Variants in FBXL20 observed in about 807,000 individuals in gnomAD.
FBXL20 encodes the protein F-box and leucine rich repeat protein 20, also known as F-box/LRR-repeat protein 20.
FBXL20 carries 11 observed loss-of-function variants against 64.0 expected under a neutral mutation model. The observed-to-expected ratio is 0.17, with a 90% CI of 0.11 to 0.28. The LOEUF (loss-of-function observed/expected upper bound fraction) is 0.28, where lower values mean the gene tolerates loss of function less well. Among genes scored for constraint, FBXL20 ranks in the 10% least tolerant of loss-of-function variants. FBXL20 has a pLI of 1.00. For synonymous variants in FBXL20, 184 were observed against 189.0 expected (o/e 0.97, Z 0.22); for missense variants, 303 against 526.2 (o/e 0.58, Z 4.15).
At chr17:39,294,677 T>C (rs1359873928) in intron 6 of FBXL20, among the ~76,000 whole-genome samples, 1 of 152,224 alleles carries the variant, frequency 6.6e-6, no homozygotes, top group African/African-American at 2.4e-5. Context: ...ACTGGTTATT[T>C]GATGATTTTA....
intron 2 of FBXL20, among the ~76,000 whole-genome samples, chr17:39,307,971 A>G (rs1205710226): frequency 1.1e-5 from 1 of 92,162 alleles, no homozygotes; most frequent in Non-Finnish European, 2.0e-5. Flanking sequence ...ACATCATTTC[A>G]AAAAAAAAAA....
At chr17:39,345,138 T>C (rs1040501190) in intron 1 of FBXL20, among the ~76,000 whole-genome samples, 4 of 152,170 alleles carry the variant, frequency 2.6e-5, no homozygotes, top group African/African-American at 9.7e-5. Context: ...AAATTCCTCT[T>C]AAGGTCATGC....
chr17:39,337,005 C>T (rs2047529018), intron 2 of FBXL20, among the ~76,000 whole-genome samples: 1 of 152,000 alleles, frequency 6.6e-6, no homozygotes, highest in Non-Finnish European at 1.5e-5. Context: ...CTTCCTCTCC[C>T]TCTCTTTCCA....
intron 2 of FBXL20, among the ~76,000 whole-genome samples, chr17:39,317,526 G>C (rs116763426): frequency 6.6e-6 from 1 of 151,674 alleles, no homozygotes; most frequent in Non-Finnish European, 1.5e-5. Context: ...CACCGTGTCC[G>C]ACCAAGGTGC....
chr17:39,284,973 C>G (rs1597774674), intron 7 of FBXL20, among the ~76,000 whole-genome samples: 1 of 147,230 alleles, frequency 6.8e-6, no homozygotes, highest in South Asian at 2.1e-4. Flanking sequence ...GAGTCTCACT[C>G]TGTCAGCACA....
At chr17:39,270,493 G>A (rs991287608) in intron 11 of FBXL20, among the ~76,000 whole-genome samples, 3 of 152,054 alleles carry the variant, frequency 2.0e-5, no homozygotes, top group African/African-American at 4.8e-5. Flanking sequence ...GCAGTGAGCC[G>A]AGATCGTGTC....
At chr17:39,366,688 A>G (rs1007530089) in intron 1 of FBXL20, among the ~76,000 whole-genome samples, 13 of 152,210 alleles carry the variant, frequency 8.5e-5, no homozygotes, top group African/African-American at 3.1e-4. Flanking sequence ...TCCACTGAAG[A>G]TATCTGAAGA....
intron 6 of FBXL20, 149 bp from the exon 7 acceptor site, chr17:39,285,722 C>G (rs756364236): frequency 8.2e-6 from 3 of 365,288 alleles, no homozygotes; most frequent in Non-Finnish European, 1.5e-5. Context: ...TATCCTACGA[C>G]CCTTCACATT....
At position 39,308,858 on chromosome 17, in the gene FBXL20, C is replaced by T. The variant is rs181941721; in HGVS notation, c.105-5219G>A. On this transcript the variant is annotated intron_variant, in intron 2 of 14. Coordinates refer to ENST00000264658, the MANE Select transcript of FBXL20 (RefSeq NM_032875.3). ...GGGATTACAGGAGTGAGCCACCGCA[C>T]CTGGCCTACAATAAAAAATTTTTTA... is the stretch of plus-strand genomic sequence containing the variant. 3.1e-3 allele frequency among the ~76,000 whole-genome samples: 478 copies of T among 152,240 alleles called. 1 individual carries two copies. The highest frequency in any genetic ancestry group is 0.011 in the African/African-American group (442 of 41,540).
At chr17:39,360,182 G>C (rs1291772788) in intron 1 of FBXL20, among the ~76,000 whole-genome samples, 1 of 152,180 alleles carries the variant, frequency 6.6e-6, no homozygotes, top group Non-Finnish European at 1.5e-5. Flanking sequence ...ACCCACAGTA[G>C]TGAAATTCAT....
chr17:39,328,381 G>C (rs568472221), intron 2 of FBXL20, among the ~76,000 whole-genome samples: 1 of 151,176 alleles, frequency 6.6e-6, no homozygotes, highest in South Asian at 2.1e-4. Flanking sequence ...AGAAGGGTCT[G>C]AAACACCTTG....
In FBXL20 at chr17:39,253,592, A is replaced by G. The variant is rs1445490603; in HGVS notation, c.*7868T>C. 2.0e-5 allele frequency: 3 copies of G among 152,318 alleles called. No homozygotes were observed. The highest frequency in any genetic ancestry group is 4.8e-5 in the African/African-American group (2 of 41,442). 9.4% of individuals were successfully genotyped at this position (152,318 alleles called of 1,614,324 possible). A position where few individuals can be genotyped will look rare whatever the true frequency, so the allele number is the denominator to read the frequency against. Reference sequence around the variant, plus strand: ...GAGCATGGTCTCGTGGATCTTGTGTATGTGCCAACAGGCTGTAAGGGTTAG... The same window carrying G: ...GAGCATGGTCTCGTGGATCTTGTGTGTGTGCCAACAGGCTGTAAGGGTTAG... On this transcript the variant is annotated 3_prime_UTR_variant, in exon 15 of 15. Coordinates refer to ENST00000264658, the MANE Select transcript of FBXL20 (RefSeq NM_032875.3).
intron 12 of FBXL20, among the ~76,000 whole-genome samples, 200 bp from the exon 13 acceptor site, chr17:39,265,653 C>G (rs1159974624): frequency 1.3e-5 from 2 of 151,378 alleles, no homozygotes; most frequent in Non-Finnish European, 2.9e-5. Context: ...ACAACAGGCA[C>G]AAGCCACCAG....
At chr17:39,289,997 T>TAAAAAAA (rs1567865610) in intron 6 of FBXL20, among the ~76,000 whole-genome samples, 14 of 33,020 alleles carry the variant, frequency 4.2e-4, no homozygotes, top group African/African-American at 3.1e-3. Context: ...AGACTCAGTC[T>TAAAAAAA]CAAAAAAAAA....
chr17:39,388,672 C>T (rs970316534), intron 1 of FBXL20, among the ~76,000 whole-genome samples: 27 of 150,566 alleles, frequency 1.8e-4, no homozygotes, highest in Admixed American at 6.6e-4. Flanking sequence ...TTAATAGAGA[C>T]GGGGTTTCAC....
chr17:39,345,444 CTCA>C (rs1459499573), intron 1 of FBXL20, among the ~76,000 whole-genome samples: 1 of 152,082 alleles, frequency 6.6e-6, no homozygotes, highest in Non-Finnish European at 1.5e-5. Context: ...ATCCTGGTAT[CTCA>C]TGGAGATTCA....
chr17:39,331,877 T>C (rs554047699), intron 2 of FBXL20, among the ~76,000 whole-genome samples: 6 of 152,370 alleles, frequency 3.9e-5, no homozygotes, highest in African/African-American at 9.6e-5. Context: ...TTTTATACTT[T>C]TATATTTAAT....
chr17:39,376,333 A>G (rs1474672688), intron 1 of FBXL20, among the ~76,000 whole-genome samples: 1 of 152,126 alleles, frequency 6.6e-6, no homozygotes, highest in Non-Finnish European at 1.5e-5. Flanking sequence ...TTATAGGCAA[A>G]TGTTTTAGTC....
At chr17:39,262,196 A>C (rs2046752762) in intron 14 of FBXL20, among the ~76,000 whole-genome samples, 2 of 152,144 alleles carry the variant, frequency 1.3e-5, no homozygotes. Flanking sequence ...GAAGAGGGGA[A>C]GAGGAACTGA....
Sources: gnomAD v4.1 joint callset for allele counts (sites outside exome capture counted in the v4.1 genomes callset) on GRCh38, gnomAD v4.1.1 for gene constraint, MANE v1.5 for transcripts, NCBI Gene and HGNC (gene_info 2026-07-23, HGNC 2026-07-21) for gene names.